The following KCNC3 variants were observed in gnomAD, a reference collection of about 807,000 sequenced individuals.
KCNC3 encodes voltage-gated potassium channel KCNC3.
Under a neutral mutation model 43.9 loss-of-function variants are expected in KCNC3, and 22 were observed. The ratio of observed to expected loss-of-function variants is 0.50; its 90% CI spans 0.36 to 0.72. The LOEUF (loss-of-function observed/expected upper bound fraction) is 0.72, where lower values mean the gene tolerates loss of function less well. Ranked by LOEUF, KCNC3 falls within the 30% of genes least tolerant of loss-of-function variation. The pLI, the probability that KCNC3 is intolerant of heterozygous loss-of-function variation, is 0.00. For synonymous variants in KCNC3, 492 were observed against 488.0 expected (o/e 1.01, Z -0.11); for missense variants, 829 against 1,073.8 (o/e 0.77, Z 3.19).
At chr19:50,319,404 C>T (rs1374720842) in intron 4 of KCNC3, among the ~76,000 whole-genome samples, 1 of 152,150 alleles carries the variant, frequency 6.6e-6, no homozygotes, top group African/African-American at 2.4e-5. Context: ...GCCTCCTCCC[C>T]AAGCCCCTAG....
chr19:50,323,239 G>A lies in KCNC3; in HGVS notation c.1714C>T (p.Pro572Ser). The A allele has an allele frequency of 3.8e-6, 6 of 1,586,482 alleles. No homozygotes were observed. The highest frequency in any genetic ancestry group is 4.3e-6 in the Non-Finnish European group (5 of 1,173,006). ...GGTGGGTCAGGCTTGCAGTAGTTGGGCGAGCCCGGTTGCGGGGGCCGGGGG... is the reference window on the plus strand; with the variant it reads ...GGTGGGTCAGGCTTGCAGTAGTTGGACGAGCCCGGTTGCGGGGGCCGGGGG... ...HIPRPPQPGS[P>S]NYCKPDPPPP... The change falls in exon 2 of 5, where the codon CCC (proline) becomes TCC (serine). Residue 572 changes from proline (P) to serine (S), a missense_variant. Transcript: ENST00000477616.
chr19:50,332,593 A>G (rs1459991388), upstream of KCNC3, among the ~76,000 whole-genome samples: 5 of 152,076 alleles, frequency 3.3e-5, no homozygotes, highest in East Asian at 7.7e-4. The surrounding 1 kb of genome is among the most constrained non-coding windows in gnomAD (Gnocchi z 5.8). Flanking sequence ...CCACCCACCC[A>G]TTAGAGAGGA....
intron 4 of KCNC3, among the ~76,000 whole-genome samples, chr19:50,320,018 G>A (rs2123524777): frequency 6.7e-6 from 1 of 149,044 alleles, no homozygotes; most frequent in African/African-American, 2.5e-5. Flanking sequence ...GGTTGAGTTA[G>A]TTCGGGGGTT....
In KCNC3 at chr19:50,313,631, C is replaced by G. The variant is rs1303371608; in HGVS notation, c.*2484G>C. 3.3e-5 allele frequency: 5 copies of G among 152,156 alleles called. No homozygotes were observed. The highest frequency in any genetic ancestry group is 2.0e-4 in the Admixed American group (3 of 15,260). 9.4% of individuals were successfully genotyped at this position (152,156 alleles called of 1,614,324 possible). A position where few individuals can be genotyped will look rare whatever the true frequency, so the allele number is the denominator to read the frequency against. Reference sequence around the variant, plus strand: ...TCCCTGGAATTGCAGACAGGTTGCGCCTATCTTGGAAGTTCTAGCATCAAG... The same window carrying G: ...TCCCTGGAATTGCAGACAGGTTGCGGCTATCTTGGAAGTTCTAGCATCAAG... On this transcript the variant is annotated 3_prime_UTR_variant, in exon 5 of 5. Transcript: ENST00000477616.
At position 50,313,021 on chromosome 19, in the gene KCNC3, G is replaced by C. The variant is rs1224262745; in HGVS notation, c.*3094C>G. ...TGACGCCCCCCATCCACCCTCGGGTGGGGGGTTCCTGAGGCCGTGGGAGCA... is the reference window on the plus strand; with the variant it reads ...TGACGCCCCCCATCCACCCTCGGGTCGGGGGTTCCTGAGGCCGTGGGAGCA... On this transcript the variant is annotated 3_prime_UTR_variant, in exon 5 of 5. Transcript: ENST00000477616. 1.3e-5 allele frequency: 2 copies of C among 152,146 alleles called. No individual in the cohort carries two copies. The highest frequency in any genetic ancestry group is 2.9e-5 in the Non-Finnish European group (2 of 68,018). The allele number at this position is 152,146 out of a possible 1,614,324, so 9.4% of individuals were successfully genotyped here. A position where few individuals can be genotyped will look rare whatever the true frequency, so the allele number is the denominator to read the frequency against.
chr19:50,325,431 C>T (rs1232677217), intron 1 of KCNC3, among the ~76,000 whole-genome samples: 1 of 151,940 alleles, frequency 6.6e-6, no homozygotes, highest in African/African-American at 2.4e-5. Context: ...AGCACTGTCC[C>T]TCTGTGCACC....
chr19:50,319,526 C>T (rs1003739426), intron 4 of KCNC3, among the ~76,000 whole-genome samples: 3 of 152,168 alleles, frequency 2.0e-5, no homozygotes, highest in Non-Finnish European at 4.4e-5. Flanking sequence ...CCGTTCCTGT[C>T]GATGGGATTT....
intron 4 of KCNC3, 78 bp from the exon 5 acceptor site, chr19:50,316,169 T>TG (rs1030298138): frequency 1.1e-5 from 4 of 357,802 alleles, no homozygotes; most frequent in East Asian, 4.3e-5. Flanking sequence ...GCCTCACTGT[T>TG]GGGGGGATGG....
At chr19:50,330,325 A>G (rs1160647291), upstream of KCNC3, among the ~76,000 whole-genome samples, 3 of 151,866 alleles carry the variant, frequency 2.0e-5, no homozygotes, top group Non-Finnish European at 4.4e-5. Flanking sequence ...GGAAAGAGAG[A>G]CTAAGGAAGG....
chr19:50,324,473 C>T lies in KCNC3; in HGVS notation c.871-391G>A, dbSNP rs1057281721. On this transcript the variant is annotated intron_variant, in intron 1 of 4. Coordinates refer to ENST00000477616, the MANE Select transcript of KCNC3 (RefSeq NM_004977.3). This position sits in a 1 kb window ranked among gnomAD's most constrained non-coding sequence, Gnocchi z 4.1. ...CTGCTGTGGGACGGGAGCCGCCAGG[C>T]CTAAGATCACACATCCTGTGTGTCT... Among the ~76,000 whole-genome samples the T allele has an allele frequency of 1.3e-5, 2 of 152,114 alleles. No individual in the cohort carries two copies. The highest frequency in any genetic ancestry group is 1.3e-4 in the Admixed American group (2 of 15,270).
At position 50,324,727 on chromosome 19, in the gene KCNC3, G is replaced by A. The variant is rs1450494789; in HGVS notation, c.871-645C>T. 6.6e-6 allele frequency among the ~76,000 whole-genome samples: 1 copy of A among 152,168 alleles called. No homozygotes were observed. The highest frequency in any genetic ancestry group is 1.5e-5 in the Non-Finnish European group (1 of 68,026). ...CGAAGGACTTGGCTCCAAACACAGT[G>A]CTTGGAGCAGTGCCTGGAACACAGT... On this transcript the variant is annotated intron_variant, in intron 1 of 4. Transcript: ENST00000477616. This position sits in a 1 kb window ranked among gnomAD's most constrained non-coding sequence, Gnocchi z 4.1.
upstream of KCNC3, among the ~76,000 whole-genome samples, chr19:50,333,011 G>C (rs1437588238): frequency 1.3e-5 from 2 of 152,104 alleles, no homozygotes; most frequent in Non-Finnish European, 2.9e-5. Flanking sequence ...CTCTGCCTAC[G>C]ATCCTTCGTC....
At chr19:50,330,013 C>T (rs964401431), upstream of KCNC3, among the ~76,000 whole-genome samples, 5 of 152,094 alleles carry the variant, frequency 3.3e-5, no homozygotes, top group Non-Finnish European at 7.4e-5. Flanking sequence ...ACGCCTGTAA[C>T]GCCAGCACTT....
At chr19:50,330,660 A>T (rs1442223305), upstream of KCNC3, among the ~76,000 whole-genome samples, 1 of 152,006 alleles carries the variant, frequency 6.6e-6, no homozygotes, top group African/African-American at 2.4e-5. Flanking sequence ...GGAGGCAGAG[A>T]GGACGGGAGA....
At chr19:50,321,077 T>G (rs2037028459) in intron 2 of KCNC3, among the ~76,000 whole-genome samples, 1 of 151,348 alleles carries the variant, frequency 6.6e-6, no homozygotes, top group African/African-American at 2.4e-5. Context: ...TTGGACAGAT[T>G]GTGGTGGTGC....
chr19:50,330,289 A>C (rs982736638), upstream of KCNC3, among the ~76,000 whole-genome samples: 1 of 152,082 alleles, frequency 6.6e-6, no homozygotes, highest in East Asian at 1.9e-4. Context: ...AATAAAAGAA[A>C]AAGAAAACGT....
In KCNC3 at chr19:50,314,706, G is replaced by C. The variant is rs565111664; in HGVS notation, c.*1409C>G. On this transcript the variant is annotated 3_prime_UTR_variant, in exon 5 of 5. Transcript: ENST00000477616. ...CAGGTTGGGGGTGAGGGGCCCGGGG[G>C]TGTCTGCTGGCATCGTCATCTCGGT... is the stretch of plus-strand genomic sequence containing the variant. 4.6e-6 allele frequency: 2 copies of C among 437,996 alleles called. No homozygotes were observed. The highest frequency in any genetic ancestry group is 4.6e-6 in the Non-Finnish European group (1 of 219,744). The allele number at this position is 437,996 out of a possible 1,614,324, so 27.1% of individuals were successfully genotyped here.
In KCNC3 at chr19:50,318,247, T is replaced by TCACTG. The variant is rs540014390; in HGVS notation, c.*23+1971_*23+1975dup. Among the ~76,000 whole-genome samples the TCACTG allele has an allele frequency of 2.8e-3, 431 of 152,124 alleles. 1 individual carries two copies. The highest frequency in any genetic ancestry group is 9.8e-3 in the African/African-American group (405 of 41,486). On this transcript the variant is annotated intron_variant, in intron 4 of 4. Coordinates refer to ENST00000477616, the MANE Select transcript of KCNC3 (RefSeq NM_004977.3). ...TGGAGTGCAGTGGTGTGATCTTGGC[T>TCACTG]CACTGCAACCTCCACCTCCCGGGTT...
chr19:50,314,908 A>AG lies in KCNC3; in HGVS notation c.*1206dup, dbSNP rs888984669. 3.9e-5 allele frequency: 11 copies of AG among 280,598 alleles called. No homozygotes were observed. Among genetic ancestry groups the AG allele is most frequent in the Non-Finnish European group, 6.3e-5 (9 of 142,744 alleles). The allele number at this position is 280,598 out of a possible 1,614,324, so 17.4% of individuals were successfully genotyped here. ...CGCGGCGGGCGGCCCGGGGAGAGCC[A>AG]GGGGGGGTGGCAAGGGGCGCGAGGC... On this transcript the variant is annotated 3_prime_UTR_variant, in exon 5 of 5. Transcript: ENST00000477616.
Sources: allele counts gnomAD v4.1 joint callset (sites outside exome capture counted in the v4.1 genomes callset), GRCh38; gene constraint gnomAD v4.1.1; non-coding constraint Gnocchi (gnomAD v3.1); transcripts MANE v1.5; gene names NCBI Gene and HGNC (gene_info 2026-07-23, HGNC 2026-07-21).